Variants in BCL7C observed in about 807,000 individuals in gnomAD.
BCL7C encodes B-cell CLL/lymphoma 7 protein family member C.
A neutral mutation model predicts 26.2 loss-of-function variants in BCL7C; 8 were observed. The observed-to-expected ratio is 0.30, with a 90% CI of 0.18 to 0.55. The LOEUF is 0.55. Ranked by LOEUF, BCL7C falls within the 20% of genes least tolerant of loss-of-function variation. BCL7C has a pLI of 0.93. For missense variants in BCL7C, 262 were observed against 298.5 expected (o/e 0.88, Z 0.90); for synonymous variants, 90 against 116.5 (o/e 0.77, Z 1.47).
chr16:30,836,209 G>T (rs560514003), intron 5 of BCL7C, among the ~76,000 whole-genome samples: 1 of 152,168 alleles, frequency 6.6e-6, no homozygotes, highest in Non-Finnish European at 1.5e-5. Flanking sequence ...AACCAAGATC[G>T]CATCACTGCA....
chr16:30,835,365 G>C (rs1357202344), intron 5 of BCL7C, among the ~76,000 whole-genome samples: 1 of 152,186 alleles, frequency 6.6e-6, no homozygotes, highest in Non-Finnish European at 1.5e-5. Flanking sequence ...AGACAGTGCT[G>C]GGTTTGAATC....
At chr16:30,851,134 T>C in intron 5 of BCL7C, 1 of 260,380 alleles carries the variant, frequency 3.8e-6, no homozygotes, top group Admixed American at 4.1e-5. Flanking sequence ...ATCCTACTGG[T>C]TCGTTTTCCC....
chr16:30,882,056 G>A (rs2055052548), intron 5 of BCL7C, among the ~76,000 whole-genome samples: 1 of 151,924 alleles, frequency 6.6e-6, no homozygotes, highest in South Asian at 2.1e-4. Flanking sequence ...CGCCTCCAGG[G>A]TTCAAGTGAA....
chr16:30,878,723 A>G (rs1478442060), intron 5 of BCL7C, among the ~76,000 whole-genome samples: 3 of 137,046 alleles, frequency 2.2e-5, no homozygotes, highest in East Asian at 2.4e-4. Flanking sequence ...CGCACCTGTA[A>G]TCCCAGCTAC....
At chr16:30,858,483 C>A (rs1307202064) in intron 5 of BCL7C, among the ~76,000 whole-genome samples, 1 of 152,128 alleles carries the variant, frequency 6.6e-6, no homozygotes, top group East Asian at 1.9e-4. Context: ...CGCCAGTGTG[C>A]TCCACCAGTC....
rs543466327 is a variant in BCL7C, at chr16:30,834,728, C to T, written c.*220G>A. The T allele has an allele frequency of 7.0e-5, 33 of 469,990 alleles. No homozygotes were observed. The highest frequency in any genetic ancestry group is 6.4e-4 in the African/African-American group (32 of 50,220). The allele number at this position is 469,990 out of a possible 1,614,324, so 29.1% of individuals were successfully genotyped here. ...GCGGCCTCAGGCACTGGATGTGGTC[C>T]GAGTTCTGCCCTAAGCCCTTCCCAT... On this transcript the variant is annotated 3_prime_UTR_variant, in exon 6 of 6. Transcript: ENST00000380317. The surrounding 1 kb of genome is among the most constrained non-coding windows in gnomAD (Gnocchi z 4.3).
rs143487020 is a variant in BCL7C at position 30,891,971 on chromosome 16, G to C, written c.442+615C>G. 3.3e-3 allele frequency among the ~76,000 whole-genome samples: 495 copies of C among 149,830 alleles called. 2 individuals carry two copies. The highest frequency in any genetic ancestry group is 0.01 in the African/African-American group (423 of 40,614). On this transcript the variant is annotated intron_variant, in intron 4 of 5. Transcript: ENST00000215115. ...AGAGACCTTGTCTCTAAAAAAAAGG[G>C]GGGGGAGGGCCGGGTGTGGGTGTGA...
chr16:30,840,214 G>GTTTTT (rs553947722), intron 5 of BCL7C, among the ~76,000 whole-genome samples: 8 of 113,092 alleles, frequency 7.1e-5, no homozygotes, highest in South Asian at 3.1e-4. Flanking sequence ...ATTCCAAGTT[G>GTTTTT]TTTTTTTTTT....
chr16:30,885,397 A>C (rs1365417658), downstream of BCL7C, among the ~76,000 whole-genome samples: 1 of 151,796 alleles, frequency 6.6e-6, no homozygotes, highest in East Asian at 1.9e-4. Flanking sequence ...AAGAGAATCA[A>C]TGTCTGTGGC....
chr16:30,868,767 A>G (rs1196581796), intron 5 of BCL7C, among the ~76,000 whole-genome samples: 1 of 151,780 alleles, frequency 6.6e-6, no homozygotes, highest in African/African-American at 2.4e-5. Flanking sequence ...CCTGGGCAAC[A>G]AGAGCGAAAC....
Position 30,893,040 on chromosome 16 carries a change from T to C in BCL7C, c.172-92A>G, listed in dbSNP as rs2055278736. ...CACTGAGAAGCAAAAGGGCTCAAAC[T>C]CAGGGGGTGTGGAGCAGAAAAGAGG... On this transcript the variant is annotated intron_variant, in intron 2 of 5. Transcript: ENST00000215115. The surrounding 1 kb of genome is among the most constrained non-coding windows in gnomAD (Gnocchi z 5.2). The C allele has an allele frequency of 1.5e-6, 2 of 1,333,492 alleles. No individual in the cohort carries two copies. Among genetic ancestry groups the C allele is most frequent in the Non-Finnish European group, 1.0e-6 (1 of 953,926 alleles). 82.6% of individuals were successfully genotyped at this position (1,333,492 alleles called of 1,614,324 possible). A position where few individuals can be genotyped will look rare whatever the true frequency, so the allele number is the denominator to read the frequency against.
Position 30,851,621 on chromosome 16 carries a change from AGCAG to A in BCL7C, c.529-16477_529-16474del, listed in dbSNP as rs556213566. ...GGCCCTTTCTGTTGAGCAGTGCCAC[AGCAG>A]GCCTTGCAGTTTTTGGTGCATCTCA... On this transcript the variant is annotated intron_variant, in intron 5 of 5. Transcript: ENST00000380317. 1.8e-4 allele frequency: 93 copies of A among 527,528 alleles called. 2 individuals carry two copies. In the South Asian group the frequency reaches 2.0e-3, roughly 12 times the overall value. 32.7% of individuals were successfully genotyped at this position (527,528 alleles called of 1,614,324 possible).
intron 5 of BCL7C, among the ~76,000 whole-genome samples, chr16:30,838,783 TCAAA>T (rs977696972): frequency 6.6e-6 from 1 of 152,134 alleles, no homozygotes; most frequent in African/African-American, 2.4e-5. Flanking sequence ...AGACTCCGTC[TCAAA>T]CAAACAAACA....
intron 5 of BCL7C, among the ~76,000 whole-genome samples, chr16:30,856,911 A>T (rs1020160308): frequency 1.3e-5 from 2 of 152,092 alleles, no homozygotes; most frequent in African/African-American, 4.8e-5. Flanking sequence ...TCTCTATTGG[A>T]TATGGCATGG....
intron 5 of BCL7C, among the ~76,000 whole-genome samples, chr16:30,871,747 A>C (rs904231867): frequency 4.6e-5 from 7 of 152,130 alleles, no homozygotes; most frequent in African/African-American, 1.7e-4. Context: ...GGCCTCCCAA[A>C]GTGCTGGGAT....
At chr16:30,874,832 C>G (rs1354264219) in intron 5 of BCL7C, among the ~76,000 whole-genome samples, 1 of 152,154 alleles carries the variant, frequency 6.6e-6, no homozygotes. Flanking sequence ...TTCTGCCTCG[C>G]GAGGTGGAGA....
At chr16:30,886,331 A>G (rs752779912), downstream of BCL7C, among the ~76,000 whole-genome samples, 1 of 152,140 alleles carries the variant, frequency 6.6e-6, no homozygotes, top group Non-Finnish European at 1.5e-5. Flanking sequence ...CATTGCTCAG[A>G]TGAACAAACT....
chr16:30,860,949 C>T (rs1210861858), intron 5 of BCL7C, among the ~76,000 whole-genome samples: 2 of 152,110 alleles, frequency 1.3e-5, no homozygotes, highest in Non-Finnish European at 2.9e-5. Flanking sequence ...TCCTCACACC[C>T]GGTCCGGCTT....
At chr16:30,853,618 T>C (rs1030664170) in intron 5 of BCL7C, among the ~76,000 whole-genome samples, 3 of 152,192 alleles carry the variant, frequency 2.0e-5, no homozygotes, top group African/African-American at 7.2e-5. Flanking sequence ...ATGAAAACCG[T>C]TCAGTATGGG....
Sources: allele counts gnomAD v4.1 joint callset (sites outside exome capture counted in the v4.1 genomes callset), GRCh38; gene constraint gnomAD v4.1.1; non-coding constraint Gnocchi (gnomAD v3.1); transcripts MANE v1.5; gene names NCBI Gene and HGNC (gene_info 2026-07-23, HGNC 2026-07-21).